The following BNC2 variants were observed in gnomAD, a reference collection of about 807,000 sequenced individuals.
BNC2 encodes the protein basonuclin zinc finger protein 2.
Under a neutral mutation model 76.3 loss-of-function variants are expected in BNC2, and 20 were observed. That is an observed-to-expected ratio of 0.26 (90% confidence interval 0.18 to 0.38). BNC2 has a LOEUF of 0.38. BNC2 is among the 10% of genes least tolerant of loss of function. The pLI, the probability that BNC2 is intolerant of heterozygous loss-of-function variation, is 1.00. For synonymous variants in BNC2, 582 were observed against 514.8 expected (o/e 1.13, Z -1.77); for missense variants, 1,382 against 1,399.8 (o/e 0.99, Z 0.20).
intron 1 of BNC2, among the ~76,000 whole-genome samples, chr9:16,795,301 G>A (rs985590641): frequency 4.0e-5 from 6 of 151,544 alleles, no homozygotes; most frequent in African/African-American, 1.5e-4. Flanking sequence ...TCTTTCTACA[G>A]TCCAGAGACG....
intron 5 of BNC2, among the ~76,000 whole-genome samples, chr9:16,450,046 C>G (rs952742127): frequency 6.6e-6 from 1 of 152,090 alleles, no homozygotes; most frequent in African/African-American, 2.4e-5. Context: ...ACATAAAACA[C>G]AGAATCTTTG....
intron 1 of BNC2, among the ~76,000 whole-genome samples, chr9:16,796,395 A>T (rs2135713280): frequency 6.6e-6 from 1 of 152,324 alleles, no homozygotes; most frequent in Non-Finnish European, 1.5e-5. Context: ...AATTTAAAAC[A>T]TTTGAAATAG....
chr9:16,785,438 A>G (rs1826261847), intron 1 of BNC2, among the ~76,000 whole-genome samples: 1 of 152,134 alleles, frequency 6.6e-6, no homozygotes, highest in Non-Finnish European at 1.5e-5. Context: ...TCTGCCACCC[A>G]GGTCGGAGTG....
intron 3 of BNC2, among the ~76,000 whole-genome samples, chr9:16,665,538 C>A (rs1025539904): frequency 1.3e-5 from 2 of 152,016 alleles, no homozygotes; most frequent in Admixed American, 1.3e-4. Context: ...CCTGTAAATT[C>A]TTTGAGGTTG....
In BNC2 at chr9:16,612,825, G is replaced by A. The variant is rs117831477; in HGVS notation, c.331-29740C>T. ...AGGAAGTGGTTTGGAAGATGGATAG[G>A]CTTTCAAGAGGCACTGGACTCAAAG... is the stretch of plus-strand genomic sequence containing the variant. On this transcript the variant is annotated intron_variant, in intron 3 of 6. Transcript: ENST00000380672. 3.9e-4 allele frequency among the ~76,000 whole-genome samples: 59 copies of A among 152,264 alleles called. No homozygotes were observed. In the East Asian group the frequency reaches 0.011, roughly 27 times the overall value.
At chr9:16,434,763 G>A in intron 6 of BNC2, 1 of 449,904 alleles carries the variant, frequency 2.2e-6, no homozygotes, top group Non-Finnish European at 4.5e-6. Flanking sequence ...AGAGTGTGAT[G>A]TCATCTGAAG....
At chr9:16,831,112 T>A (rs1818568756) in intron 1 of BNC2, among the ~76,000 whole-genome samples, 1 of 152,216 alleles carries the variant, frequency 6.6e-6, no homozygotes, top group Non-Finnish European at 1.5e-5. Flanking sequence ...ATATATAAAA[T>A]CTGTTGGCAA....
intron 6 of BNC2, among the ~76,000 whole-genome samples, chr9:16,424,579 G>A (rs1000534816): frequency 3.1e-4 from 47 of 152,136 alleles, no homozygotes; most frequent in African/African-American, 1.0e-3. Flanking sequence ...TATACATAGC[G>A]TAACAATAAC....
chr9:16,855,812 T>A (rs1234345401), intron 1 of BNC2, among the ~76,000 whole-genome samples: 1 of 151,924 alleles, frequency 6.6e-6, no homozygotes, highest in African/African-American at 2.4e-5. Context: ...CCTCCCAAAG[T>A]GCTGGGATTA....
In BNC2 at chr9:16,436,545, A is replaced by C. The variant is rs1821020336; in HGVS notation, c.1649T>G (p.Leu550Trp). 6.2e-7 allele frequency: 1 copy of C among 1,614,002 alleles called. No individual in the cohort carries two copies. The highest frequency in any genetic ancestry group is 1.3e-5 in the African/African-American group (1 of 74,912). ...TAGCTGGCTAGGGAGAGGATTTTGC[A>C]AGACAGGGTCTAGAGGGGGAGTGGT... ...GFTTPPLDPVLQNPLPSQLVF... is the reference protein window; with the variant it reads ...GFTTPPLDPVWQNPLPSQLVF... Residue 550 changes from leucine (L) to tryptophan (W), a missense_variant, in exon 6 of 7, where the codon TTG becomes TGG. Around this residue, in one of 3 missense-constraint regions of BNC2, gnomAD observed 798 missense variants for 775.5 expected, o/e 1.03. Coordinates refer to ENST00000380672, the MANE Select transcript of BNC2 (RefSeq NM_017637.6).
intron 1 of BNC2, among the ~76,000 whole-genome samples, chr9:16,861,318 C>A (rs2136208550): frequency 6.6e-6 from 1 of 151,766 alleles, no homozygotes; most frequent in African/African-American, 2.4e-5. Context: ...CATACCACTG[C>A]ACTCCAACCT....
intron 5 of BNC2, among the ~76,000 whole-genome samples, chr9:16,486,661 A>C (rs1275535062): frequency 6.6e-6 from 1 of 152,120 alleles, no homozygotes; most frequent in African/African-American, 2.4e-5. Flanking sequence ...CTGTTCTTTA[A>C]AGTTCTCCTG....
At chr9:16,664,368 C>T (rs1464825803) in intron 3 of BNC2, among the ~76,000 whole-genome samples, 1 of 152,194 alleles carries the variant, frequency 6.6e-6, no homozygotes, top group Non-Finnish European at 1.5e-5. Context: ...CTCACTACCC[C>T]TCCCAACCAC....
chr9:16,486,325 T>C (rs928718922), intron 5 of BNC2, among the ~76,000 whole-genome samples: 1 of 152,248 alleles, frequency 6.6e-6, no homozygotes, highest in African/African-American at 2.4e-5. Flanking sequence ...ATTATACTTC[T>C]TGAAATCAGA....
chr9:16,714,219 T>C (rs1021599875), intron 3 of BNC2, among the ~76,000 whole-genome samples: 1 of 152,254 alleles, frequency 6.6e-6, no homozygotes, highest in Non-Finnish European at 1.5e-5. Context: ...ATGAATGCTT[T>C]GAAATAGCCT....
At chr9:16,868,194 G>A (rs997894852) in intron 1 of BNC2, 1 of 152,132 alleles carries the variant, frequency 6.6e-6, no homozygotes, top group African/African-American at 2.4e-5. Context: ...GTAATCAAAT[G>A]ACACTCCTGG....
At chr9:16,766,166 T>C (rs993474178) in intron 1 of BNC2, among the ~76,000 whole-genome samples, 5 of 152,202 alleles carry the variant, frequency 3.3e-5, no homozygotes, top group African/African-American at 1.2e-4. Flanking sequence ...ACCTTAACTG[T>C]GAATTTCTTC....
At chr9:16,703,353 C>T (rs1338782068) in intron 3 of BNC2, among the ~76,000 whole-genome samples, 1 of 151,770 alleles carries the variant, frequency 6.6e-6, no homozygotes, top group Non-Finnish European at 1.5e-5. Context: ...AATAAAAATC[C>T]AGCACAGAGC....
intron 4 of BNC2, among the ~76,000 whole-genome samples, chr9:16,561,391 A>G (rs1406291019): frequency 6.6e-6 from 1 of 152,040 alleles, no homozygotes. Flanking sequence ...TTTTTGCATT[A>G]CTCCACTGGG....
Sources: allele counts gnomAD v4.1 joint callset (sites outside exome capture counted in the v4.1 genomes callset), GRCh38; gene constraint gnomAD v4.1.1; regional missense constraint gnomAD v4.1.1; transcripts MANE v1.5; gene names NCBI Gene and HGNC (gene_info 2026-07-23, HGNC 2026-07-21).